Variants in IPO7 observed in about 807,000 individuals in gnomAD.
The protein encoded by IPO7 is importin-7.
In IPO7, 13 loss-of-function variants were observed where a neutral mutation model predicts 136.4. The ratio of observed to expected loss-of-function variants is 0.10; its 90% CI spans 0.06 to 0.15. IPO7 has a LOEUF of 0.15. Among genes scored for constraint, IPO7 ranks in the 10% least tolerant of loss-of-function variants. The pLI is 1.00. For synonymous variants in IPO7, 403 were observed against 404.4 expected (o/e 1.00, Z 0.04); for missense variants, 857 against 1,240.6 (o/e 0.69, Z 4.65).
At chr11:9,390,473 A>G (rs111560959) in intron 1 of IPO7, among the ~76,000 whole-genome samples, 1,811 of 152,306 alleles carry the variant, frequency 0.012, 36 homozygotes, top group African/African-American at 0.041. Flanking sequence ...GCATATTTGT[A>G]AGATAATTTG....
intron 23 of IPO7, among the ~76,000 whole-genome samples, chr11:9,441,399 C>A (rs1448728740): frequency 6.6e-6 from 1 of 152,102 alleles, no homozygotes; most frequent in Non-Finnish European, 1.5e-5. Flanking sequence ...ATTAAATTTC[C>A]CCTGTATTTG....
rs572647127 is a variant in IPO7 at position 9,425,409 on chromosome 11, A to C, written c.1335+147A>C. 99 of 622,984 alleles carry C rather than the reference A, an allele frequency of 1.6e-4. No individual in the cohort carries two copies. In the African/African-American group the frequency reaches 1.7e-3, roughly 11 times the overall value. 38.6% of individuals were successfully genotyped at this position (622,984 alleles called of 1,614,324 possible). A position where few individuals can be genotyped will look rare whatever the true frequency, so the allele number is the denominator to read the frequency against. On this transcript the variant is annotated intron_variant, in intron 12 of 24. Transcript: ENST00000379719. Reference sequence around the variant, plus strand: ...ATTGCCTGAGCCCAGGAGTTTGAGAACAGCCTGGGCAACATAGTGATACCC... The same window carrying C: ...ATTGCCTGAGCCCAGGAGTTTGAGACCAGCCTGGGCAACATAGTGATACCC...
At chr11:9,386,293 C>T (rs1331613779) in intron 1 of IPO7, among the ~76,000 whole-genome samples, 1 of 152,104 alleles carries the variant, frequency 6.6e-6, no homozygotes, top group Non-Finnish European at 1.5e-5. Context: ...TCAGAGTCAC[C>T]TTGGGAGGAG....
intron 8 of IPO7, among the ~76,000 whole-genome samples, chr11:9,422,320 A>G (rs1313129406): frequency 6.6e-6 from 1 of 152,066 alleles, no homozygotes; most frequent in African/African-American, 2.4e-5. Context: ...TTAATATCAT[A>G]CTCTTGATTC....
At chr11:9,389,625 C>T (rs762143617) in intron 1 of IPO7, among the ~76,000 whole-genome samples, 31 of 152,072 alleles carry the variant, frequency 2.0e-4, no homozygotes, top group Non-Finnish European at 3.4e-4. Context: ...ATATGATCTC[C>T]GCATCAATAG....
intron 15 of IPO7, 177 bp from the exon 16 acceptor site, chr11:9,430,698 C>A: frequency 1.7e-6 from 1 of 581,304 alleles, no homozygotes; most frequent in South Asian, 2.5e-5. Context: ...TTTAAGGTCA[C>A]CCAATGAGCA....
At chr11:9,411,100 A>G (rs1293034289) in intron 4 of IPO7, among the ~76,000 whole-genome samples, 1 of 152,194 alleles carries the variant, frequency 6.6e-6, no homozygotes, top group Non-Finnish European at 1.5e-5. Flanking sequence ...GTGAGTGACT[A>G]AAATTGGAGA....
chr11:9,408,802 C>T (rs1180817597), intron 3 of IPO7, among the ~76,000 whole-genome samples, 163 bp downstream of exon 3: 1 of 149,556 alleles, frequency 6.7e-6, no homozygotes, highest in Admixed American at 6.7e-5. Context: ...GCCTCCGCCT[C>T]CCAGGTTCAA....
intron 16 of IPO7, among the ~76,000 whole-genome samples, chr11:9,432,049 C>T (rs1855301668): frequency 6.6e-6 from 1 of 152,058 alleles, no homozygotes; most frequent in Non-Finnish European, 1.5e-5. Context: ...ACTTCCTAAC[C>T]CCTTTTCCCT....
chr11:9,404,597 G>A (rs1383328292), intron 2 of IPO7, among the ~76,000 whole-genome samples: 36 of 119,316 alleles, frequency 3.0e-4, no homozygotes, highest in African/African-American at 1.1e-3. Context: ...ACGGAGTCTC[G>A]CTCTGTTGCC....
intron 13 of IPO7, 168 bp from the exon 14 acceptor site, chr11:9,428,863 G>GCGGCCAA (rs1271504991): frequency 1.3e-6 from 1 of 796,474 alleles, no homozygotes. Context: ...CAAACATCAT[G>GCGGCCAA]CGGCCAAAGA....
At chr11:9,396,572 C>T (rs1414089027) in intron 1 of IPO7, among the ~76,000 whole-genome samples, 7 of 152,136 alleles carry the variant, frequency 4.6e-5, no homozygotes, top group South Asian at 2.1e-4. Flanking sequence ...CCAGTCACTC[C>T]GCATTCCGCC....
intron 1 of IPO7, among the ~76,000 whole-genome samples, chr11:9,397,341 A>AAATAATAATATATATATATATATAT: frequency 9.3e-5 from 1 of 10,762 alleles, no homozygotes; most frequent in African/African-American, 2.5e-4. Context: ...TTTAAAAAAA[A>AAATAATAATATATATATATATATAT]ATATATATAT....
At chr11:9,391,516 G>T (rs1428644845) in intron 1 of IPO7, among the ~76,000 whole-genome samples, 1 of 151,882 alleles carries the variant, frequency 6.6e-6, no homozygotes, top group Non-Finnish European at 1.5e-5. Flanking sequence ...GACCATCCTG[G>T]CTAACATGGT....
rs988335221 is a variant in IPO7 at position 9,399,359 on chromosome 11, C to T, written c.85-3931C>T. ...TATTTTTAGTAGAGACGGGGTTTCT[C>T]CATGTTGGTCAGGCTGGTCTTGAAC... On this transcript the variant is annotated intron_variant, in intron 1 of 24. Coordinates refer to ENST00000379719, the MANE Select transcript of IPO7 (RefSeq NM_006391.3). 5.3e-5 allele frequency among the ~76,000 whole-genome samples: 8 copies of T among 152,092 alleles called. 1 individual carries two copies. The highest frequency in any genetic ancestry group is 8.8e-5 in the Non-Finnish European group (6 of 68,010).
chr11:9,400,071 C>G (rs970936266), intron 1 of IPO7, among the ~76,000 whole-genome samples: 12 of 152,144 alleles, frequency 7.9e-5, no homozygotes, highest in Admixed American at 4.6e-4. Flanking sequence ...GTACACATCC[C>G]CTGAACACTT....
At chr11:9,388,695 T>C (rs1221881238) in intron 1 of IPO7, among the ~76,000 whole-genome samples, 1 of 151,660 alleles carries the variant, frequency 6.6e-6, no homozygotes, top group Non-Finnish European at 1.5e-5. Context: ...CCCAGGCTTA[T>C]TTTTAATTTT....
chr11:9,414,687 G>A (rs576045651), intron 5 of IPO7: 17 of 163,666 alleles, frequency 1.0e-4, no homozygotes, highest in South Asian at 5.1e-4. Context: ...GTGCAGTGGC[G>A]TGATCTCGGC....
chr11:9,441,496 C>T (rs1021403112), intron 23 of IPO7, among the ~76,000 whole-genome samples: 5 of 152,176 alleles, frequency 3.3e-5, no homozygotes, highest in Admixed American at 3.3e-4. Flanking sequence ...TGATAGAATA[C>T]ATTATCTGAT....
Sources: gnomAD v4.1 joint callset for allele counts (sites outside exome capture counted in the v4.1 genomes callset) on GRCh38, gnomAD v4.1.1 for gene constraint, MANE v1.5 for transcripts, NCBI Gene and HGNC (gene_info 2026-07-23, HGNC 2026-07-21) for gene names.